RSPO2: variants seen among roughly 807,000 people sequenced by gnomAD.
RSPO2 encodes the protein R-spondin 2.
A neutral mutation model predicts 30.9 loss-of-function variants in RSPO2; 14 were observed. That is an observed-to-expected ratio of 0.45 (90% confidence interval 0.30 to 0.71). The LOEUF (loss-of-function observed/expected upper bound fraction) is 0.71, where lower values mean the gene tolerates loss of function less well. RSPO2 is among the 30% of genes least tolerant of loss of function. The pLI, the probability that RSPO2 is intolerant of heterozygous loss-of-function variation, is 0.08. For missense variants in RSPO2, 264 were observed against 301.9 expected, an observed-to-expected ratio of 0.87 and a Z score of 0.93; for synonymous variants, 107 against 96.4, an observed-to-expected ratio of 1.11 and a Z score of -0.64.
intron 5 of RSPO2, among the ~76,000 whole-genome samples, chr8:107,920,977 G>A (rs1035884820): frequency 6.6e-6 from 1 of 152,002 alleles, no homozygotes; most frequent in Non-Finnish European, 1.5e-5. Flanking sequence ...CAAAAAGTGT[G>A]TACTTTTTGA....
rs778053213 is a variant in RSPO2 at position 107,958,178 on chromosome 8, G to A, written c.518C>T (p.Thr173Ile). The A allele has an allele frequency of 5.6e-6, 9 of 1,613,448 alleles. No individual in the cohort carries two copies. Among genetic ancestry groups the A allele is most frequent in the Non-Finnish European group, 8.5e-7 (1 of 1,179,712 alleles). ...CGFKWGLETR[T>I]RQIVKKPVKD... ...CACTGGCTTTTTAACAATTTGCCGTGTTCTGGTTTCCAGACCCCATTTAAA... is the reference window on the plus strand; with the variant it reads ...CACTGGCTTTTTAACAATTTGCCGTATTCTGGTTTCCAGACCCCATTTAAA... Residue 173 changes from threonine to isoleucine, a missense_variant, in exon 5 of 6, where the codon ACA becomes ATA. Coordinates refer to ENST00000276659, the MANE Select transcript of RSPO2 (RefSeq NM_178565.5).
intron 2 of RSPO2, among the ~76,000 whole-genome samples, chr8:108,003,245 G>A (rs1327926173): frequency 1.7e-5 from 1 of 60,444 alleles, no homozygotes; most frequent in African/African-American, 1.7e-4. Context: ...ATATATGTAT[G>A]TATGTATGTG....
intron 2 of RSPO2, among the ~76,000 whole-genome samples, chr8:108,054,519 C>T (rs1324721291): frequency 6.6e-6 from 1 of 152,176 alleles, no homozygotes; most frequent in Non-Finnish European, 1.5e-5. Flanking sequence ...GGCCCACAGC[C>T]ACCCCTAACT....
intron 5 of RSPO2, among the ~76,000 whole-genome samples, chr8:107,955,828 G>A (rs1813415295): frequency 6.6e-6 from 1 of 152,128 alleles, no homozygotes; most frequent in African/African-American, 2.4e-5. Context: ...TGTGCAATCA[G>A]GTTAAGATTG....
At chr8:108,041,416 A>G (rs1213155851) in intron 2 of RSPO2, among the ~76,000 whole-genome samples, 2 of 152,102 alleles carry the variant, frequency 1.3e-5, no homozygotes, top group Middle Eastern at 3.2e-3. Context: ...GAAGATACAC[A>G]TGGAAGAGAT....
At chr8:107,930,306 A>G (rs1434821870) in intron 5 of RSPO2, among the ~76,000 whole-genome samples, 3 of 152,218 alleles carry the variant, frequency 2.0e-5, no homozygotes, top group African/African-American at 7.2e-5. Flanking sequence ...AATGTGTTGT[A>G]TTTCCTTGGT....
At chr8:108,055,317 T>C (rs929941230) in intron 2 of RSPO2, among the ~76,000 whole-genome samples, 11 of 151,728 alleles carry the variant, frequency 7.2e-5, no homozygotes, top group Admixed American at 4.6e-4. Context: ...ACTGAGATAA[T>C]GAAAGGAGAG....
At chr8:107,963,949 T>C (rs1813715151) in intron 3 of RSPO2, among the ~76,000 whole-genome samples, 1 of 152,238 alleles carries the variant, frequency 6.6e-6, no homozygotes, top group Non-Finnish European at 1.5e-5. Context: ...TTTAGCCATC[T>C]CCGTATCCTT....
At chr8:108,004,867 C>T (rs1815399863) in intron 2 of RSPO2, among the ~76,000 whole-genome samples, 1 of 152,116 alleles carries the variant, frequency 6.6e-6, no homozygotes, top group South Asian at 2.1e-4. Context: ...TTACATCAAC[C>T]ATATTTGATA....
intron 3 of RSPO2, among the ~76,000 whole-genome samples, chr8:107,971,381 G>GA (rs1264329207): frequency 6.6e-6 from 1 of 152,186 alleles, no homozygotes; most frequent in Non-Finnish European, 1.5e-5. Flanking sequence ...CTCACAGAGA[G>GA]AAAAATGTTT....
Position 107,900,932 on chromosome 8 carries a change from TG to T in RSPO2, c.*142del. The T allele has an allele frequency of 1.2e-6, 1 of 803,890 alleles. No individual in the cohort carries two copies. Among genetic ancestry groups the T allele is most frequent in the Non-Finnish European group, 2.0e-6 (1 of 506,130 alleles). 49.8% of individuals were successfully genotyped at this position (803,890 alleles called of 1,614,324 possible). ...ATAAATAACACAGGGGCCATGCTGG[TG>T]GTGCTTCCTTTCACCATGTTACTGG... is the stretch of plus-strand genomic sequence containing the variant. On this transcript the variant is annotated 3_prime_UTR_variant, in exon 6 of 6. Coordinates refer to ENST00000276659, the MANE Select transcript of RSPO2 (RefSeq NM_178565.5).
At chr8:107,921,766 A>T (rs957214499) in intron 5 of RSPO2, among the ~76,000 whole-genome samples, 7 of 152,152 alleles carry the variant, frequency 4.6e-5, no homozygotes, top group Non-Finnish European at 1.0e-4. Flanking sequence ...ATGATCAAGT[A>T]GCTTTTATCA....
intron 2 of RSPO2, among the ~76,000 whole-genome samples, chr8:108,032,255 C>T (rs181345634): frequency 4.6e-5 from 7 of 152,298 alleles, no homozygotes; most frequent in Admixed American, 2.0e-4. Context: ...ACCAAATTTA[C>T]AAATCACTAT....
chr8:107,938,800 G>A (rs566558443), intron 5 of RSPO2, among the ~76,000 whole-genome samples: 1 of 152,244 alleles, frequency 6.6e-6, no homozygotes, highest in Non-Finnish European at 1.5e-5. Flanking sequence ...AAACAGTAAA[G>A]CATTTTGATG....
intron 5 of RSPO2, among the ~76,000 whole-genome samples, chr8:107,926,314 T>A (rs1447699904): frequency 6.6e-6 from 1 of 152,300 alleles, no homozygotes; most frequent in Non-Finnish European, 1.5e-5. Flanking sequence ...CTTTGTCATA[T>A]GAGTAGATTG....
chr8:107,970,946 C>A (rs933754084), intron 3 of RSPO2, among the ~76,000 whole-genome samples: 6 of 152,186 alleles, frequency 3.9e-5, no homozygotes, highest in Admixed American at 2.0e-4. Flanking sequence ...CTTGGTTGTA[C>A]CACGCAGTGG....
At chr8:107,938,818 G>A (rs988806804) in intron 5 of RSPO2, among the ~76,000 whole-genome samples, 1 of 152,132 alleles carries the variant, frequency 6.6e-6, no homozygotes, top group Admixed American at 6.6e-5. Context: ...ATGAACTGAG[G>A]CAGTTAAGTC....
intron 5 of RSPO2, among the ~76,000 whole-genome samples, chr8:107,907,732 A>C (rs1286045636): frequency 6.6e-6 from 1 of 152,124 alleles, no homozygotes; most frequent in Non-Finnish European, 1.5e-5. Flanking sequence ...CTACCTGCAC[A>C]GGTTTACACT....
chr8:107,989,038 A>T lies in RSPO2; in HGVS notation c.283+18T>A, dbSNP rs749032195. The T allele has an allele frequency of 2.5e-6, 4 of 1,585,556 alleles. No individual in the cohort carries two copies. The Admixed American group carries it at 5.7e-5, about 22-fold the overall frequency. On this transcript the variant is annotated intron_variant, in intron 3 of 5. Coordinates refer to ENST00000276659, the MANE Select transcript of RSPO2 (RefSeq NM_178565.5). Reference sequence around the variant, plus strand: ...TTGCATATCCAGCAATACAGGATAGACAAAACCAAATGCTCACTTGCACAT... The same window carrying T: ...TTGCATATCCAGCAATACAGGATAGTCAAAACCAAATGCTCACTTGCACAT...
Sources: allele counts gnomAD v4.1 joint callset (sites outside exome capture counted in the v4.1 genomes callset), GRCh38; gene constraint gnomAD v4.1.1; transcripts MANE v1.5; gene names NCBI Gene and HGNC (gene_info 2026-07-23, HGNC 2026-07-21).